The following ARHGEF9 variants were observed in gnomAD, a reference collection of about 807,000 sequenced individuals.
The protein encoded by ARHGEF9 is Cdc42 guanine nucleotide exchange factor 9, also known as rho guanine nucleotide exchange factor 9.
A neutral mutation model predicts 41.3 loss-of-function variants in ARHGEF9; 2 were observed. The observed-to-expected ratio is 0.05, with a 90% CI of 0.02 to 0.15. The LOEUF is 0.15. Among genes scored for constraint, ARHGEF9 ranks in the 10% least tolerant of loss-of-function variants. The probability of loss-of-function intolerance (pLI) is 1.00; values close to 1 mark genes in which losing one functional copy is unlikely to be tolerated. For missense variants in ARHGEF9, 225 were observed against 424.7 expected (o/e 0.53, Z 4.13); for synonymous variants, 160 against 154.4 (o/e 1.04, Z -0.27).
chrX:63,728,667 T>C (rs2054116369), intron 1 of ARHGEF9, among the ~76,000 whole-genome samples: 1 of 112,218 alleles, frequency 8.9e-6, no homozygotes, highest in African/African-American at 3.2e-5. Flanking sequence ...GGTAATAATG[T>C]TTGCCTCACA....
At chrX:63,747,439 G>A (rs190946578) in intron 1 of ARHGEF9, among the ~76,000 whole-genome samples, 199 of 111,842 alleles carry the variant, frequency 1.8e-3, no homozygotes, top group Non-Finnish European at 2.7e-3. Context: ...ACTTATCGAG[G>A]CTCCCACAGT....
chrX:63,648,091 T>C (rs1556318963), intron 8 of ARHGEF9, among the ~76,000 whole-genome samples: 2 of 110,738 alleles, frequency 1.8e-5, no homozygotes, highest in African/African-American at 3.3e-5. Context: ...ATTCAGGAAA[T>C]ACAGAGAACA....
At chrX:63,645,930 G>A (rs1378192243) in intron 8 of ARHGEF9, among the ~76,000 whole-genome samples, 2 of 112,132 alleles carry the variant, frequency 1.8e-5, no homozygotes, top group Non-Finnish European at 1.9e-5. Context: ...TCCAACTGGA[G>A]TGAGATGGTA....
At chrX:63,757,515 G>A (rs151000224) in intron 1 of ARHGEF9, among the ~76,000 whole-genome samples, 6,009 of 111,667 alleles carry the variant, frequency 0.054, 177 homozygotes, top group Non-Finnish European at 0.083. Flanking sequence ...CACACACTGA[G>A]CTTGCCAGAA....
chrX:63,682,627 T>C (rs2050730831), intron 4 of ARHGEF9, among the ~76,000 whole-genome samples: 1 of 112,089 alleles, frequency 8.9e-6, no homozygotes, highest in African/African-American at 3.2e-5. Context: ...AAAAAGATCA[T>C]ACATCATGAC....
In ARHGEF9 at chrX:63,785,196, T is replaced by C; in HGVS notation, c.-51A>G. On this transcript the variant is annotated 5_prime_UTR_variant, in exon 1 of 10. Transcript: ENST00000671741. ...GAGGCCCCGTAGCTGGCGCGAGTTGTCGCGGGCTGACTAGAAGGGCTGGGC... is the reference window on the plus strand; with the variant it reads ...GAGGCCCCGTAGCTGGCGCGAGTTGCCGCGGGCTGACTAGAAGGGCTGGGC... 1 of 1,150,396 alleles carries C rather than the reference T, an allele frequency of 8.7e-7. No individual in the cohort carries two copies. 94.8% of individuals were successfully genotyped at this position (1,150,396 alleles called of 1,213,427 possible).
chrX:63,732,551 G>A (rs1303737345), intron 1 of ARHGEF9, among the ~76,000 whole-genome samples: 3 of 111,259 alleles, frequency 2.7e-5, no homozygotes, highest in African/African-American at 9.8e-5. Flanking sequence ...CCTTAATGAT[G>A]CGAATCTTAA....
intron 1 of ARHGEF9, among the ~76,000 whole-genome samples, chrX:63,742,638 T>C (rs1329150206): frequency 9.0e-6 from 1 of 111,693 alleles, no homozygotes; most frequent in Admixed American, 9.5e-5. Flanking sequence ...GGGATGACCA[T>C]AGAAACTGGT....
chrX:63,781,298 A>G (rs1462700684), intron 1 of ARHGEF9, among the ~76,000 whole-genome samples: 2 of 112,238 alleles, frequency 1.8e-5, no homozygotes, highest in Non-Finnish European at 3.8e-5. Flanking sequence ...ACAGATAAAC[A>G]GTAGGTGTAC....
At chrX:63,732,362 A>T (rs143835579) in intron 1 of ARHGEF9, 1 of 108,829 alleles carries the variant, frequency 9.2e-6, no homozygotes, top group African/African-American at 3.4e-5. Flanking sequence ...CTCCTTCTCA[A>T]TTTTTCCCAT....
chrX:63,724,773 A>G (rs1556416021), intron 1 of ARHGEF9, 62 bp from the exon 2 acceptor site: 1 of 1,075,682 alleles, frequency 9.3e-7, no homozygotes, highest in South Asian at 1.9e-5. Context: ...CCCTTCCCCC[A>G]CCCACAGAGC....
chrX:63,662,773 A>T (rs1420481099), intron 7 of ARHGEF9, among the ~76,000 whole-genome samples: 8 of 112,314 alleles, frequency 7.1e-5, no homozygotes, highest in Middle Eastern at 4.6e-3. Flanking sequence ...CTTAGAACAG[A>T]ATCATAGAAG....
chrX:63,700,950 G>A (rs782428845), intron 3 of ARHGEF9, among the ~76,000 whole-genome samples: 1 of 111,303 alleles, frequency 9.0e-6, no homozygotes, highest in East Asian at 2.8e-4. Context: ...TGGGAAGGCA[G>A]GCCAGAGAGT....
At chrX:63,745,661 A>G (rs1556432732) in intron 1 of ARHGEF9, among the ~76,000 whole-genome samples, 2 of 111,463 alleles carry the variant, frequency 1.8e-5, no homozygotes, top group African/African-American at 6.5e-5. Flanking sequence ...TCACTTGTAA[A>G]AAAAGGAATG....
rs2047328058 is a variant in ARHGEF9 at position 63,636,674 on chromosome X, G to A, written c.*1354C>T. The A allele has an allele frequency of 7.0e-6, 2 of 285,399 alleles. No individual in the cohort carries two copies. The highest frequency in any genetic ancestry group is 4.9e-4 in the South Asian group (2 of 4,090). 23.5% of individuals were successfully genotyped at this position (285,399 alleles called of 1,213,427 possible). Reference sequence around the variant, plus strand: ...AGAGGGAAAGAAAGAAGCCAGGGAAGATTGTCCATGCAATCTGTTAACAAT... The same window carrying A: ...AGAGGGAAAGAAAGAAGCCAGGGAAAATTGTCCATGCAATCTGTTAACAAT... On this transcript the variant is annotated 3_prime_UTR_variant, in exon 10 of 10. Transcript: ENST00000671741.
In ARHGEF9 at chrX:63,636,633, G is replaced by A. The variant is rs184248212; in HGVS notation, c.*1395C>T. 7.9e-4 allele frequency: 208 copies of A among 263,376 alleles called. No individual in the cohort carries two copies. Among genetic ancestry groups the A allele is most frequent in the Middle Eastern group, 1.0e-3 (1 of 961 alleles). The allele number at this position is 263,376 out of a possible 1,213,427, so 21.7% of individuals were successfully genotyped here. On this transcript the variant is annotated 3_prime_UTR_variant, in exon 10 of 10. Transcript: ENST00000671741. ...AAATCCTCCTGTGCTAGGATGGCAG[G>A]AGAAAGAAGAAAGAGAGAGGGAAAG...
chrX:63,647,896 C>T (rs1556318640), intron 8 of ARHGEF9, among the ~76,000 whole-genome samples: 2 of 110,906 alleles, frequency 1.8e-5, no homozygotes, highest in South Asian at 3.8e-4. Context: ...TTAATTATTG[C>T]CTCAATTTTA....
Position 63,637,588 on chromosome X carries a change from G to GA in ARHGEF9, c.*439dup, listed in dbSNP as rs1556299440. The GA allele has an allele frequency of 1.8e-4, 40 of 219,488 alleles. No individual in the cohort carries two copies. Among genetic ancestry groups the GA allele is most frequent in the Non-Finnish European group, 2.5e-4 (31 of 123,666 alleles). The allele number at this position is 219,488 out of a possible 1,213,427, so 18.1% of individuals were successfully genotyped here. On this transcript the variant is annotated 3_prime_UTR_variant, in exon 10 of 10. Transcript: ENST00000671741. ...AAATTCATCAACATCAGTATCATCA[G>GA]AAAAAAAACAATACAAACACATCTA...
intron 1 of ARHGEF9, among the ~76,000 whole-genome samples, chrX:63,748,430 G>C (rs1365991804): frequency 8.9e-6 from 1 of 111,909 alleles, no homozygotes; most frequent in Non-Finnish European, 1.9e-5. Context: ...GTGCTAGAAG[G>C]GACTGCTAAT....
Sources: allele counts gnomAD v4.1 joint callset (sites outside exome capture counted in the v4.1 genomes callset), GRCh38; gene constraint gnomAD v4.1.1; transcripts MANE v1.5; gene names NCBI Gene and HGNC (gene_info 2026-07-23, HGNC 2026-07-21).